The following CDH8 variants were observed in gnomAD, a reference collection of about 807,000 sequenced individuals.
CDH8 encodes cadherin 8.
CDH8 carries 17 observed loss-of-function variants against 68.1 expected under a neutral mutation model. The observed-to-expected ratio is 0.25, with a 90% CI of 0.17 to 0.37. The LOEUF (loss-of-function observed/expected upper bound fraction) is 0.37. Ranked by LOEUF, CDH8 falls within the 10% of genes least tolerant of loss-of-function variation. The pLI, the probability that CDH8 is intolerant of heterozygous loss-of-function variation, is 1.00. For synonymous variants in CDH8, 372 were observed against 365.1 expected, an observed-to-expected ratio of 1.02 and a Z score of -0.21; for missense variants, 763 against 999.3, an observed-to-expected ratio of 0.76 and a Z score of 3.19.
chr16:62,033,170 A>G (rs1288408501), intron 1 of CDH8, among the ~76,000 whole-genome samples: 1 of 152,198 alleles, frequency 6.6e-6, no homozygotes, highest in Non-Finnish European at 1.5e-5. Flanking sequence ...CCAGCTGAGC[A>G]TTCCTGGGCT....
intron 8 of CDH8, among the ~76,000 whole-genome samples, chr16:61,768,258 TCCAGAGGGTTGGTTCC>T: frequency 6.6e-6 from 1 of 151,086 alleles, no homozygotes; most frequent in Non-Finnish European, 1.5e-5. Context: ...CTCCTCTAGT[TCCAGAGGGTTGGTTCC>T]CGGAAGAGCA....
Position 61,699,924 on chromosome 16 carries a change from C to A in CDH8, c.1654+13917G>T, listed in dbSNP as rs183089951. ...AAGTTCTTGTTCTTGTTCTCTGCTT[C>A]TTTTCATAAGCCAATGTGCTTTATT... On this transcript the variant is annotated intron_variant, in intron 10 of 11. Transcript: ENST00000577390. 1.6e-4 allele frequency among the ~76,000 whole-genome samples: 24 copies of A among 152,268 alleles called. No individual in the cohort carries two copies. In the East Asian group the frequency reaches 4.4e-3, roughly 28 times the overall value.
chr16:61,913,168 A>C (rs1304961586), intron 2 of CDH8, among the ~76,000 whole-genome samples: 2 of 152,152 alleles, frequency 1.3e-5, no homozygotes, highest in African/African-American at 2.4e-5. Context: ...TCTAAACACA[A>C]AATTCATTTA....
chr16:62,027,019 A>T (rs1902212647), intron 1 of CDH8, among the ~76,000 whole-genome samples: 1 of 152,240 alleles, frequency 6.6e-6, no homozygotes, highest in Non-Finnish European at 1.5e-5. Flanking sequence ...GGGGTAAAAG[A>T]AATCAATTTA....
chr16:61,830,540 C>T (rs774167898), intron 4 of CDH8, among the ~76,000 whole-genome samples: 3 of 151,878 alleles, frequency 2.0e-5, no homozygotes, highest in African/African-American at 4.8e-5. Context: ...GATGGTGCTA[C>T]GTTAAATAAC....
intron 4 of CDH8, among the ~76,000 whole-genome samples, chr16:61,850,207 G>A (rs766513148): frequency 3.2e-4 from 49 of 152,064 alleles, no homozygotes; most frequent in Non-Finnish European, 6.2e-4. Flanking sequence ...GGTGAAGAGG[G>A]AGCAAGGCAT....
chr16:61,715,128 G>T (rs1475619683), intron 9 of CDH8, among the ~76,000 whole-genome samples: 1 of 151,450 alleles, frequency 6.6e-6, no homozygotes, highest in East Asian at 1.9e-4. Flanking sequence ...TAATTTCTAG[G>T]TCTCCCTTTT....
intron 8 of CDH8, among the ~76,000 whole-genome samples, chr16:61,774,650 C>T (rs1960862346): frequency 6.6e-6 from 1 of 151,962 alleles, no homozygotes; most frequent in Non-Finnish European, 1.5e-5. Context: ...TTCATTATTT[C>T]CTTTCTTCAT....
chr16:61,844,745 G>A (rs1285942152), intron 4 of CDH8, among the ~76,000 whole-genome samples: 1 of 152,242 alleles, frequency 6.6e-6, no homozygotes, highest in East Asian at 1.9e-4. Flanking sequence ...GGGTCAGGGT[G>A]GGTTCCTTTC....
chr16:61,990,091 A>AT (rs901290878), intron 2 of CDH8, among the ~76,000 whole-genome samples: 10 of 151,988 alleles, frequency 6.6e-5, no homozygotes, highest in Non-Finnish European at 1.3e-4. Context: ...GATGTGTACT[A>AT]TTTTTTTCTC....
At chr16:61,665,420 G>A (rs745586398) in intron 10 of CDH8, among the ~76,000 whole-genome samples, 9 of 151,858 alleles carry the variant, frequency 5.9e-5, no homozygotes, top group Admixed American at 2.0e-4. Context: ...ACCAAACACC[G>A]CATGTTCTCA....
intron 2 of CDH8, among the ~76,000 whole-genome samples, chr16:61,907,184 C>A (rs546139367): frequency 4.2e-4 from 64 of 152,288 alleles, no homozygotes; most frequent in Middle Eastern, 3.4e-3. Flanking sequence ...GAGTAGCTAT[C>A]TTAATACCAA....
chr16:61,822,372 C>A (rs139336043), intron 5 of CDH8, among the ~76,000 whole-genome samples: 177 of 151,188 alleles, frequency 1.2e-3, no homozygotes, highest in African/African-American at 3.9e-3. Flanking sequence ...ACTCAAAAAA[C>A]CAAAAAGTTT....
In CDH8 at chr16:61,651,432, T is replaced by G. The variant is rs1963321442; in HGVS notation, c.*2176A>C. 6.6e-6 allele frequency: 1 copy of G among 152,154 alleles called. No homozygotes were observed. The highest frequency in any genetic ancestry group is 1.5e-5 in the Non-Finnish European group (1 of 68,024). 9.4% of individuals were successfully genotyped at this position (152,154 alleles called of 1,614,324 possible). A position where few individuals can be genotyped will look rare whatever the true frequency, so the allele number is the denominator to read the frequency against. On this transcript the variant is annotated 3_prime_UTR_variant, in exon 12 of 12. Transcript: ENST00000577390. ...AAAAGTTGATTAAGCCACCGGATAGTTATAAATTGTTAGTATAGTATTTAA... is the reference window on the plus strand; with the variant it reads ...AAAAGTTGATTAAGCCACCGGATAGGTATAAATTGTTAGTATAGTATTTAA...
chr16:62,003,487 G>T (rs1965926565), intron 2 of CDH8, among the ~76,000 whole-genome samples: 1 of 152,026 alleles, frequency 6.6e-6, no homozygotes, highest in South Asian at 2.1e-4. Context: ...TTATGATGGT[G>T]GTGATTTTAT....
intron 10 of CDH8, among the ~76,000 whole-genome samples, chr16:61,665,635 C>A (rs1011722509): frequency 6.6e-6 from 1 of 151,804 alleles, no homozygotes; most frequent in Non-Finnish European, 1.5e-5. Flanking sequence ...CAAACCTGAA[C>A]GTTCTTCACA....
rs111284424 is a variant in CDH8, at chr16:61,727,874, T to C, written c.1415-659A>G. Among the ~76,000 whole-genome samples the C allele has an allele frequency of 2.3e-3, 347 of 151,248 alleles. 2 individuals carry two copies. Among genetic ancestry groups the C allele is most frequent in the Non-Finnish European group, 3.6e-3 (240 of 67,366 alleles). On this transcript the variant is annotated intron_variant, in intron 8 of 11. Coordinates refer to ENST00000577390, the MANE Select transcript of CDH8 (RefSeq NM_001796.5). ...TCTAATCTTTCCAGGTCAATTCCAA[T>C]AGCAGAGAACTCAATACATAATCCT...
rs1288307089 is a variant in CDH8 at position 61,821,017 on chromosome 16, G to A, written c.932C>T (p.Ser311Leu). The change falls in exon 6 of 12, where the codon TCA becomes TTA. Residue 311 changes from serine to leucine, a missense_variant. Ser to Leu is a moderately radical substitution (Grantham distance 145, BLOSUM62 -2). Around this residue, in one of 2 missense-constraint regions of CDH8, gnomAD observed 366 missense variants for 563.1 expected, o/e 0.65. Transcript: ENST00000577390. The stretch of plus-strand genomic sequence containing the variant: ...ATCTCCATCGATGATATCATATGAT[G>A]ACTGTGCATTTTCACCAATATCCTG... ...NDQDIGENAQ[S>L]SYDIIDGDGT... 11 of 1,612,716 alleles carry A rather than the reference G, an allele frequency of 6.8e-6. No individual in the cohort carries two copies. The highest frequency in any genetic ancestry group is 1.7e-5 in the Admixed American group (1 of 59,876).
chr16:61,960,411 A>ACACATACATATATACATG lies in CDH8; in HGVS notation c.253-58939_253-58938insCATGTATATATGTATGTG, dbSNP rs1567546895. ...TGTATACACATACATATATACATAT[A>ACACATACATATATACATG]TGTGTGTGTGTATACACATACATAT... is the stretch of plus-strand genomic sequence containing the variant. On this transcript the variant is annotated intron_variant, in intron 2 of 11. Transcript: ENST00000577390. 7.4e-5 allele frequency among the ~76,000 whole-genome samples: 6 copies of ACACATACATATATACATG among 80,624 alleles called. 1 individual carries two copies. Among genetic ancestry groups the ACACATACATATATACATG allele is most frequent in the Admixed American group, 2.3e-4 (2 of 8,604 alleles). The allele number at this position is 80,624 out of a possible 152,430, so 52.9% of individuals were successfully genotyped here.
Sources: gnomAD v4.1 joint callset for allele counts (sites outside exome capture counted in the v4.1 genomes callset) on GRCh38, gnomAD v4.1.1 for gene constraint, gnomAD v4.1.1 regional missense constraint, MANE v1.5 for transcripts, NCBI Gene and HGNC (gene_info 2026-07-23, HGNC 2026-07-21) for gene names.